The following TNFRSF8 variants were observed in gnomAD, a reference collection of about 807,000 sequenced individuals.
The protein encoded by TNFRSF8 is TNF receptor superfamily member 8.
In TNFRSF8, 26 loss-of-function variants were observed where a neutral mutation model predicts 70.8. The observed-to-expected ratio is 0.37, with a 90% CI of 0.27 to 0.51. TNFRSF8 has a LOEUF of 0.51. Among genes scored for constraint, TNFRSF8 ranks in the 20% least tolerant of loss-of-function variants. TNFRSF8 has a pLI of 0.94. For synonymous variants in TNFRSF8, 356 were observed against 339.2 expected, an observed-to-expected ratio of 1.05 and a Z score of -0.54; for missense variants, 720 against 807.9, an observed-to-expected ratio of 0.89 and a Z score of 1.32.
intron 7 of TNFRSF8, among the ~76,000 whole-genome samples, chr1:12,114,713 T>A (rs915367594): frequency 1.6e-4 from 21 of 133,222 alleles, no homozygotes; most frequent in Non-Finnish European, 3.2e-4. Context: ...TTTTTTTTTT[T>A]TTTTTTTTTT....
At chr1:12,064,810 A>G (rs1433824431) in intron 1 of TNFRSF8, among the ~76,000 whole-genome samples, 1 of 152,176 alleles carries the variant, frequency 6.6e-6, no homozygotes, top group Non-Finnish European at 1.5e-5. Context: ...CCCTGGCTAG[A>G]GACACCCTGT....
chr1:12,120,219 C>T (rs1641805877), intron 8 of TNFRSF8, among the ~76,000 whole-genome samples: 1 of 152,126 alleles, frequency 6.6e-6, no homozygotes, highest in African/African-American at 2.4e-5. Context: ...AGAAAAACAA[C>T]AGGAAGCCAT....
rs1570041007 is a variant in TNFRSF8 at position 12,109,616 on chromosome 1, C to T, written c.472C>T (p.Pro158Ser). ...TGAGCCGGCTTCCCCAGGGGTCAGC[C>T]CTGCCTGTGCCAGCCCAGAGAACTG... ...VCEPASPGVS[P>S]ACASPENCKE... The change falls in exon 5 of 15, where the codon CCT (proline) becomes TCT (serine). Residue 158 changes from proline (P) to serine (S), a missense_variant. Pro to Ser is a moderately conservative substitution (Grantham distance 74). Coordinates refer to ENST00000263932, the MANE Select transcript of TNFRSF8 (RefSeq NM_001243.5). The surrounding 1 kb of genome is among the most constrained non-coding windows in gnomAD (Gnocchi z 4.4). 6.2e-7 allele frequency: 1 copy of T among 1,613,792 alleles called. No individual in the cohort carries two copies. Among genetic ancestry groups the T allele is most frequent in the East Asian group, 2.2e-5 (1 of 44,890 alleles).
chr1:12,142,209 C>A lies in TNFRSF8; in HGVS notation c.1544-78C>A. ...CGGCAGGTGTACCAGCACTGGGCCT[C>A]GGCCCTTCTCTGCCTCTTTGCTCCC... On this transcript the variant is annotated intron_variant, in intron 14 of 14. Coordinates refer to ENST00000263932, the MANE Select transcript of TNFRSF8 (RefSeq NM_001243.5). This position sits in a 1 kb window ranked among gnomAD's most constrained non-coding sequence, Gnocchi z 5.0. The A allele has an allele frequency of 6.1e-6, 9 of 1,478,880 alleles. No individual in the cohort carries two copies. The highest frequency in any genetic ancestry group is 2.5e-5 in the East Asian group (1 of 40,492). The allele number at this position is 1,478,880 out of a possible 1,614,324, so 91.6% of individuals were successfully genotyped here.
At chr1:12,081,305 C>A (rs1353323295) in intron 1 of TNFRSF8, among the ~76,000 whole-genome samples, 1 of 152,106 alleles carries the variant, frequency 6.6e-6, no homozygotes, top group Non-Finnish European at 1.5e-5. Flanking sequence ...GGAGGGGAGA[C>A]CAAGGACAAG....
In TNFRSF8 at chr1:12,141,856, T is replaced by TA. The variant is rs368585694; in HGVS notation, c.1544-430dup. 1.3e-5 allele frequency among the ~76,000 whole-genome samples: 2 copies of TA among 152,154 alleles called. No homozygotes were observed. The highest frequency in any genetic ancestry group is 4.8e-5 in the African/African-American group (2 of 41,450). On this transcript the variant is annotated intron_variant, in intron 14 of 14. Transcript: ENST00000263932. This position sits in a 1 kb window ranked among gnomAD's most constrained non-coding sequence, Gnocchi z 5.4. The stretch of plus-strand genomic sequence containing the variant: ...TTAACCTCTCCAGGCTTCAGATTCT[T>TA]ACCTGTAAATGGGAATCTTGATGGG...
Position 12,063,709 on chromosome 1 carries a change from G to A in TNFRSF8, c.63+48G>A. ...GGGAGGTGCCGGCGGTCCAGAGCCC[G>A]GACAGTGTGGGGTGCGTGGGACGCA... On this transcript the variant is annotated intron_variant, in intron 1 of 14. Coordinates refer to ENST00000263932, the MANE Select transcript of TNFRSF8 (RefSeq NM_001243.5). The surrounding 1 kb of genome is among the most constrained non-coding windows in gnomAD (Gnocchi z 7.2). The A allele has an allele frequency of 7.9e-7, 1 of 1,260,866 alleles. No individual in the cohort carries two copies. The highest frequency in any genetic ancestry group is 1.0e-6 in the Non-Finnish European group (1 of 993,590). The allele number at this position is 1,260,866 out of a possible 1,614,324, so 78.1% of individuals were successfully genotyped here.
At chr1:12,118,660 A>G (rs1364499326) in intron 8 of TNFRSF8, among the ~76,000 whole-genome samples, 1 of 152,158 alleles carries the variant, frequency 6.6e-6, no homozygotes, top group African/African-American at 2.4e-5. Context: ...GGGCAAGAAA[A>G]GGCTTTTTAG....
intron 3 of TNFRSF8, among the ~76,000 whole-genome samples, chr1:12,101,901 C>G (rs1359776475): frequency 6.6e-6 from 1 of 152,220 alleles, no homozygotes; most frequent in East Asian, 1.9e-4. Flanking sequence ...TTTTGAACTC[C>G]TGACCTCAGG....
Position 12,091,164 on chromosome 1 carries a change from C to T in TNFRSF8, c.152-5937C>T, listed in dbSNP as rs117063968. Among the ~76,000 whole-genome samples the T allele has an allele frequency of 9.8e-5, 15 of 152,306 alleles. No homozygotes were observed. In the East Asian group the frequency reaches 2.9e-3, roughly 29 times the overall value. On this transcript the variant is annotated intron_variant, in intron 2 of 14. Coordinates refer to ENST00000263932, the MANE Select transcript of TNFRSF8 (RefSeq NM_001243.5). Reference sequence around the variant, plus strand: ...GACAATTAATTTCTGTTGTTTAAGCCACCCTGCTGTCTGTCGTAGTTTGTT... The same window carrying T: ...GACAATTAATTTCTGTTGTTTAAGCTACCCTGCTGTCTGTCGTAGTTTGTT...
chr1:12,119,927 A>G lies in TNFRSF8; in HGVS notation c.947-3357A>G, dbSNP rs1167098714. Reference sequence around the variant, plus strand: ...GTCTGATACAACCCCTTCGTTTTACACCCAGAGAGAAGCACAGGGCCGAAG... The same window carrying G: ...GTCTGATACAACCCCTTCGTTTTACGCCCAGAGAGAAGCACAGGGCCGAAG... On this transcript the variant is annotated intron_variant, in intron 8 of 14. Transcript: ENST00000263932. This position sits in a 1 kb window ranked among gnomAD's most constrained non-coding sequence, Gnocchi z 4.4. Among the ~76,000 whole-genome samples the G allele has an allele frequency of 1.3e-5, 2 of 152,170 alleles. No homozygotes were observed. Among genetic ancestry groups the G allele is most frequent in the Non-Finnish European group, 2.9e-5 (2 of 68,038 alleles).
rs758380440 is a variant in TNFRSF8 at position 12,095,289 on chromosome 1, C to CT, written c.152-1797dup. Among the ~76,000 whole-genome samples the CT allele has an allele frequency of 5.0e-3, 722 of 143,586 alleles. 6 individuals carry two copies. Among genetic ancestry groups the CT allele is most frequent in the East Asian group, 9.2e-3 (46 of 4,980 alleles). 94.2% of individuals were successfully genotyped at this position (143,586 alleles called of 152,430 possible). On this transcript the variant is annotated intron_variant, in intron 2 of 14. Transcript: ENST00000263932. ...TACAAAGAATCACATGTTACTGTATCTTTTTTTTTTTTTTTGAGATGGAGT... is the reference window on the plus strand; with the variant it reads ...TACAAAGAATCACATGTTACTGTATCTTTTTTTTTTTTTTTTGAGATGGAGT...
At chr1:12,125,574 C>G (rs1641922545) in intron 10 of TNFRSF8, among the ~76,000 whole-genome samples, 2 of 152,222 alleles carry the variant, frequency 1.3e-5, no homozygotes, top group Non-Finnish European at 2.9e-5. Flanking sequence ...TCTTCCTTCC[C>G]CTCACTGCTT....
At position 12,112,140 on chromosome 1, in the gene TNFRSF8, TCC is replaced by T; in HGVS notation, c.793+127_793+128del. ...GGGGGTCGCCTCTTTTCAGAGGGCT[TCC>T]ATTGGCATATTATTTCCTTCCAGGA... On this transcript the variant is annotated intron_variant, in intron 7 of 14. Coordinates refer to ENST00000263932, the MANE Select transcript of TNFRSF8 (RefSeq NM_001243.5). This position sits in a 1 kb window ranked among gnomAD's most constrained non-coding sequence, Gnocchi z 5.3. 1.6e-6 allele frequency: 1 copy of T among 628,656 alleles called. No individual in the cohort carries two copies. Among genetic ancestry groups the T allele is most frequent in the Non-Finnish European group, 2.8e-6 (1 of 357,584 alleles). 38.9% of individuals were successfully genotyped at this position (628,656 alleles called of 1,614,324 possible).
chr1:12,110,111 A>G lies in TNFRSF8; in HGVS notation c.583A>G (p.Arg195Gly), dbSNP rs777799235. Residue 195 changes from arginine (R) to glycine (G), a missense_variant, in exon 6 of 15, where the codon AGA (arginine) becomes GGA (glycine). Physicochemically the swap from Arg to Gly is moderately radical, Grantham distance 125. Transcript: ENST00000263932. This position sits in a 1 kb window ranked among gnomAD's most constrained non-coding sequence, Gnocchi z 4.0. ...CTCCAGTGCCAGCACCATGCCTGTA[A>G]GAGGGGGCACCCGCCTCGCCCAGGA... The part of the protein sequence containing the change: ...ATSSASTMPV[R>G]GGTRLAQEAA... The G allele has an allele frequency of 6.2e-7, 1 of 1,613,262 alleles. No individual in the cohort carries two copies. Among genetic ancestry groups the G allele is most frequent in the Admixed American group, 1.7e-5 (1 of 59,912 alleles).
At chr1:12,076,558 C>T (rs1317605152) in intron 1 of TNFRSF8, among the ~76,000 whole-genome samples, 2 of 152,246 alleles carry the variant, frequency 1.3e-5, no homozygotes, top group South Asian at 2.1e-4. Context: ...ATGCTGTTTC[C>T]GTGTCCACTG....
chr1:12,142,578 G>A lies in TNFRSF8; in HGVS notation c.*47G>A, dbSNP rs944276082. On this transcript the variant is annotated 3_prime_UTR_variant, in exon 15 of 15. Transcript: ENST00000263932. This position sits in a 1 kb window ranked among gnomAD's most constrained non-coding sequence, Gnocchi z 5.0. Reference sequence around the variant, plus strand: ...AGGAGGGCAGCAGGGTGGCCTCTGGGAGGCCAGGATGGCACTGTTGGCACC... The same window carrying A: ...AGGAGGGCAGCAGGGTGGCCTCTGGAAGGCCAGGATGGCACTGTTGGCACC... 3.9e-6 allele frequency: 6 copies of A among 1,541,942 alleles called. No homozygotes were observed. The African/African-American group carries it at 8.2e-5, about 21-fold the overall frequency.
At chr1:12,136,512 A>G (rs550624061) in intron 13 of TNFRSF8, among the ~76,000 whole-genome samples, 2 of 152,150 alleles carry the variant, frequency 1.3e-5, no homozygotes, top group South Asian at 2.1e-4. Flanking sequence ...ATCCAGGTGT[A>G]GTGGCACACG....
Position 12,141,788 on chromosome 1 carries a change from T to G in TNFRSF8, c.1544-499T>G, listed in dbSNP as rs756129. Among the ~76,000 whole-genome samples, 49,562 of 151,844 alleles carry G rather than the reference T, an allele frequency of 0.33. 9,521 individuals are homozygous for G. Among genetic ancestry groups the G allele is most frequent in the Middle Eastern group, 0.54 (160 of 294 alleles). On this transcript the variant is annotated intron_variant, in intron 14 of 14. Coordinates refer to ENST00000263932, the MANE Select transcript of TNFRSF8 (RefSeq NM_001243.5). The surrounding 1 kb of genome is among the most constrained non-coding windows in gnomAD (Gnocchi z 5.4). ...CCAGGCGGAGTGGGTGGTTTTTTTTTGGGGGATTTCTCCTAACTACGTGGC... is the reference window on the plus strand; with the variant it reads ...CCAGGCGGAGTGGGTGGTTTTTTTTGGGGGGATTTCTCCTAACTACGTGGC...
Sources: allele counts gnomAD v4.1 joint callset (sites outside exome capture counted in the v4.1 genomes callset), GRCh38; gene constraint gnomAD v4.1.1; non-coding constraint Gnocchi (gnomAD v3.1); transcripts MANE v1.5; gene names NCBI Gene and HGNC (gene_info 2026-07-23, HGNC 2026-07-21).